Variants in PAPSS1 observed in about 807,000 individuals in gnomAD.
PAPSS1 encodes bifunctional 3'-phosphoadenosine 5'-phosphosulfate synthase 1.
PAPSS1 carries 50 observed loss-of-function variants against 72.0 expected under a neutral mutation model. The observed-to-expected ratio is 0.69, with a 90% confidence interval of 0.55 to 0.88. The LOEUF is 0.88. Ranked by LOEUF, PAPSS1 falls within the 40% of genes least tolerant of loss-of-function variation. The probability of loss-of-function intolerance (pLI) is 0.00; values close to 1 mark genes in which losing one functional copy is unlikely to be tolerated. For missense variants in PAPSS1, 657 were observed against 782.2 expected (o/e 0.84, Z 1.91); for synonymous variants, 261 against 263.6 (o/e 0.99, Z 0.09).
chr4:107,654,821 T>G lies in PAPSS1; in HGVS notation c.975A>C (p.Ala325=). The stretch of plus-strand genomic sequence containing the variant: ...GGCGGCCCTCATACATCAGAGCAAA[T>G]GCTGTACAGCCGTCCAGCCTCTCTT... ...EDKERLDGCT[A]FALMYEGRRV... Residue 325 remains alanine, a synonymous_variant, in exon 8 of 12, where the codon GCA becomes GCC. Coordinates refer to ENST00000265174, the MANE Select transcript of PAPSS1 (RefSeq NM_005443.5). The G allele has an allele frequency of 1.2e-6, 2 of 1,613,990 alleles. No individual in the cohort carries two copies. The highest frequency in any genetic ancestry group is 1.7e-4 in the Middle Eastern group (1 of 6,060).
chr4:107,677,001 G>T (rs1323538172), intron 5 of PAPSS1, among the ~76,000 whole-genome samples: 1 of 152,140 alleles, frequency 6.6e-6, no homozygotes. Flanking sequence ...GCTGAAACTG[G>T]ATCCCTTCCT....
At chr4:107,713,840 A>G (rs1469370755) in intron 1 of PAPSS1, among the ~76,000 whole-genome samples, 1 of 152,228 alleles carries the variant, frequency 6.6e-6, no homozygotes, top group African/African-American at 2.4e-5. Context: ...AGAGAGAAGA[A>G]TAAGAGAAAA....
chr4:107,649,078 C>G (rs759527644), intron 9 of PAPSS1, among the ~76,000 whole-genome samples: 1 of 152,220 alleles, frequency 6.6e-6, no homozygotes, highest in African/African-American at 2.4e-5. Flanking sequence ...CAACTGGGTT[C>G]TGTGCCGCTT....
chr4:107,710,337 G>A (rs549759102), intron 1 of PAPSS1, among the ~76,000 whole-genome samples: 55 of 152,114 alleles, frequency 3.6e-4, no homozygotes, highest in African/African-American at 1.3e-3. Context: ...TGTATATCTG[G>A]CTCAGTGTAA....
chr4:107,678,448 T>C (rs7664846), intron 5 of PAPSS1, among the ~76,000 whole-genome samples: 6,091 of 151,988 alleles, frequency 0.04, 384 homozygotes, highest in African/African-American at 0.14. Context: ...CTTGAGCCCA[T>C]TGCAGAGCTG....
chr4:107,671,391 T>C (rs1727463540), intron 5 of PAPSS1, among the ~76,000 whole-genome samples: 1 of 151,342 alleles, frequency 6.6e-6, no homozygotes, highest in South Asian at 2.1e-4. Context: ...ATTATGAATT[T>C]AAAGAGAGAA....
At chr4:107,652,847 T>A (rs1726884863) in intron 9 of PAPSS1, among the ~76,000 whole-genome samples, 1 of 152,154 alleles carries the variant, frequency 6.6e-6, no homozygotes, top group Non-Finnish European at 1.5e-5. Context: ...TTTTGAGAAG[T>A]ATTTCTATGC....
chr4:107,636,281 T>C (rs751589571), intron 10 of PAPSS1, among the ~76,000 whole-genome samples: 6 of 152,160 alleles, frequency 3.9e-5, no homozygotes, highest in Non-Finnish European at 8.8e-5. Flanking sequence ...AACTGTGCCA[T>C]CATTTAAAAA....
rs1560597140 is a variant in PAPSS1 at position 107,719,783 on chromosome 4, G to A, written c.60+337C>T. On this transcript the variant is annotated intron_variant, in intron 1 of 11. Transcript: ENST00000265174. ...CCTGTTTCTGCAGCCGCAGGTTTCA[G>A]CACCCGGAGGTTTCAGCAAGCGCCA... 3 of 1,163,390 alleles carry A rather than the reference G, an allele frequency of 2.6e-6. No homozygotes were observed. The South Asian group carries it at 7.1e-5, about 28-fold the overall frequency. The allele number at this position is 1,163,390 out of a possible 1,614,324, so 72.1% of individuals were successfully genotyped here.
chr4:107,645,184 A>C, intron 9 of PAPSS1, 114 bp from the exon 10 acceptor site: 1 of 689,286 alleles, frequency 1.5e-6, no homozygotes, highest in Non-Finnish European at 2.2e-6. Flanking sequence ...ACATATGCAA[A>C]CTCAGAAATC....
chr4:107,633,222 A>G (rs1293065827), intron 10 of PAPSS1, among the ~76,000 whole-genome samples: 1 of 152,234 alleles, frequency 6.6e-6, no homozygotes, highest in African/African-American at 2.4e-5. Context: ...AGTGATATCA[A>G]CATTTTTGAT....
intron 5 of PAPSS1, among the ~76,000 whole-genome samples, chr4:107,668,917 G>A (rs1727391962): frequency 6.6e-6 from 1 of 151,954 alleles, no homozygotes; most frequent in African/African-American, 2.4e-5. Context: ...ACATAATGCT[G>A]GTTAATGTAG....
At chr4:107,671,038 A>T (rs184752920) in intron 5 of PAPSS1, among the ~76,000 whole-genome samples, 2 of 152,214 alleles carry the variant, frequency 1.3e-5, no homozygotes, top group Non-Finnish European at 2.9e-5. Flanking sequence ...AAAATCATAC[A>T]GTGTCAATTT....
At chr4:107,617,516 C>A in intron 11 of PAPSS1, among the ~76,000 whole-genome samples, 2 of 152,088 alleles carry the variant, frequency 1.3e-5, no homozygotes, top group Non-Finnish European at 2.9e-5. Context: ...AAATCAATGT[C>A]AGTGTTTTAT....
chr4:107,684,426 A>G (rs1269934445), intron 4 of PAPSS1, among the ~76,000 whole-genome samples: 8 of 152,182 alleles, frequency 5.3e-5, no homozygotes, highest in Admixed American at 5.2e-4. Context: ...ATGGCCCTGC[A>G]AAGCTGTTCT....
chr4:107,695,721 C>T (rs972165972), intron 2 of PAPSS1, among the ~76,000 whole-genome samples: 2 of 152,022 alleles, frequency 1.3e-5, no homozygotes, highest in Non-Finnish European at 2.9e-5. Flanking sequence ...TATCAAAGGC[C>T]CTTCCTGTGT....
intron 5 of PAPSS1, among the ~76,000 whole-genome samples, chr4:107,677,957 G>T (rs1727700665): frequency 6.6e-6 from 1 of 152,076 alleles, no homozygotes; most frequent in African/African-American, 2.4e-5. Context: ...AACACCACAC[G>T]TTCTCACTCA....
At position 107,687,141 on chromosome 4, in the gene PAPSS1, T is replaced by C. The variant is rs1487850680; in HGVS notation, c.448A>G (p.Ser150Gly). ...NNARQIHEGASLPFFEVFVDA... is the reference protein window; with the variant it reads ...NNARQIHEGAGLPFFEVFVDA... The stretch of plus-strand genomic sequence containing the variant: ...ACAAATACTTCAAAAAACGGTAAAC[T>C]TGCACCTTCATGAATTTGCCTTGCA... Residue 150 changes from serine to glycine, a missense_variant, in exon 4 of 12, where the codon AGT becomes GGT. By Grantham distance (56) the Ser-to-Gly change is moderately conservative (BLOSUM62 0). Coordinates refer to ENST00000265174, the MANE Select transcript of PAPSS1 (RefSeq NM_005443.5). The C allele has an allele frequency of 5.0e-6, 8 of 1,594,054 alleles. No homozygotes were observed. The highest frequency in any genetic ancestry group is 6.8e-6 in the Non-Finnish European group (8 of 1,173,630).
intron 5 of PAPSS1, among the ~76,000 whole-genome samples, chr4:107,662,551 C>A (rs1194721642): frequency 6.7e-6 from 1 of 149,648 alleles, no homozygotes; most frequent in African/African-American, 2.5e-5. Flanking sequence ...GCAGTGACAA[C>A]TAAATATACA....
Sources: gnomAD v4.1 joint callset for allele counts (sites outside exome capture counted in the v4.1 genomes callset) on GRCh38, gnomAD v4.1.1 for gene constraint, MANE v1.5 for transcripts, NCBI Gene and HGNC (gene_info 2026-07-23, HGNC 2026-07-21) for gene names.